XKR5: variants seen among roughly 807,000 people sequenced by gnomAD.
XKR5 encodes XK-related protein 5.
In XKR5, 46 loss-of-function variants were observed where a neutral mutation model predicts 40.8. That is an observed-to-expected ratio of 1.13 (90% CI 0.89 to 1.44). The LOEUF (loss-of-function observed/expected upper bound fraction) is 1.44. XKR5 is among the 40% of genes most tolerant of loss of function. The pLI is 0.00. For missense variants in XKR5, 1,169 were observed against 844.7 expected, an observed-to-expected ratio of 1.38 and a Z score of -4.76; for synonymous variants, 466 against 356.1, an observed-to-expected ratio of 1.31 and a Z score of -3.48.
intron 1 of XKR5, among the ~76,000 whole-genome samples, chr8:6,834,182 A>G (rs1804895925): frequency 6.6e-6 from 1 of 152,164 alleles, no homozygotes; most frequent in South Asian, 2.1e-4. Flanking sequence ...TGGTAGAGGC[A>G]CCGCACACAG....
chr8:6,811,696 C>T lies in XKR5; in HGVS notation c.1563G>A (p.Gly521=), dbSNP rs1308596741. 4 of 1,537,606 alleles carry T rather than the reference C, an allele frequency of 2.6e-6. No homozygotes were observed. The highest frequency in any genetic ancestry group is 3.5e-6 in the Non-Finnish European group (4 of 1,147,054). ...TPKEGADAVS[G]TQGKGTGGQQ... ...GCCCACCTGTCCCCTTCCCCTGTGT[C>T]CCAGAAACAGCGTCAGCTCCTTCCT... The change falls in exon 7 of 7, where the codon GGG becomes GGA. Residue 521 remains glycine (G), a synonymous_variant. Coordinates refer to ENST00000618742, the MANE Select transcript of XKR5 (RefSeq NM_207411.5).
chr8:6,827,252 G>A (rs1208598636), intron 2 of XKR5, among the ~76,000 whole-genome samples: 1 of 152,160 alleles, frequency 6.6e-6, no homozygotes, highest in Non-Finnish European at 1.5e-5. Flanking sequence ...ACACGAGCCT[G>A]CTGCCCAGCA....
intron 2 of XKR5, among the ~76,000 whole-genome samples, chr8:6,827,161 G>A (rs747189027): frequency 6.6e-6 from 1 of 152,114 alleles, no homozygotes; most frequent in Non-Finnish European, 1.5e-5. Flanking sequence ...CTCACCTGGA[G>A]GTCAGATTTC....
chr8:6,815,978 C>T (rs1027426750), intron 5 of XKR5, 60 bp from the exon 6 acceptor site: 39 of 1,345,760 alleles, frequency 2.9e-5, no homozygotes, highest in Admixed American at 1.6e-4. Flanking sequence ...TAGGGACCCC[C>T]GTCCCGTGAG....
chr8:6,831,741 T>A (rs2741091), intron 2 of XKR5, among the ~76,000 whole-genome samples: 24 of 152,000 alleles, frequency 1.6e-4, no homozygotes, highest in African/African-American at 5.1e-4. Flanking sequence ...TGTGGCCAGG[T>A]GCAGTGGCTC....
At chr8:6,835,141 G>C (rs1804955341) in intron 1 of XKR5, among the ~76,000 whole-genome samples, 2 of 151,194 alleles carry the variant, frequency 1.3e-5, no homozygotes, top group Admixed American at 1.3e-4. Flanking sequence ...GCGTGGGGCG[G>C]GGGGATCGTG....
intron 2 of XKR5, among the ~76,000 whole-genome samples, chr8:6,830,564 A>G (rs1804717803): frequency 6.6e-6 from 1 of 152,214 alleles, no homozygotes; most frequent in Admixed American, 6.5e-5. Context: ...ATAGCTGTGC[A>G]TTCTGGCTCT....
chr8:6,825,021 G>A (rs1191256279), intron 3 of XKR5, 144 bp downstream of exon 3: 1 of 905,226 alleles, frequency 1.1e-6, no homozygotes, highest in Non-Finnish European at 1.7e-6. Flanking sequence ...CCAGTTTTAA[G>A]CATCATCTGT....
intron 1 of XKR5, 142 bp downstream of exon 1, chr8:6,835,294 A>G: frequency 1.2e-6 from 1 of 813,792 alleles, no homozygotes. Flanking sequence ...TGGGATGGCC[A>G]CCACCGTGCG....
At chr8:6,834,388 G>A (rs1458510887) in intron 1 of XKR5, among the ~76,000 whole-genome samples, 3 of 152,360 alleles carry the variant, frequency 2.0e-5, no homozygotes, top group African/African-American at 7.2e-5. Flanking sequence ...TCACCACCCC[G>A]AGCGTCCTGC....
Position 6,812,018 on chromosome 8 carries a change from G to A in XKR5, c.1241C>T (p.Thr414Ile). 1 of 1,537,518 alleles carries A rather than the reference G, an allele frequency of 6.5e-7. No individual in the cohort carries two copies. The change falls in exon 7 of 7, where the codon ACA (threonine) becomes ATA (isoleucine). Residue 414 changes from threonine (T) to isoleucine (I), a missense_variant. Transcript: ENST00000618742. Reference protein sequence around the residue: ...HWLWVKLALKTGNVSKINAAF... With the variant: ...HWLWVKLALKIGNVSKINAAF... ...GGCATTGATCTTAGACACATTTCCT[G>A]TTTTTAGGGCAAGTTTCACCCACAG... is the stretch of plus-strand genomic sequence containing the variant.
At chr8:6,815,724 G>T in intron 6 of XKR5, 83 bp downstream of exon 6, 3 of 961,546 alleles carry the variant, frequency 3.1e-6, no homozygotes, top group Non-Finnish European at 4.7e-6. Context: ...TCTGAACTCA[G>T]TTTCCTACCC....
At chr8:6,832,550 G>A (rs1804817131) in intron 2 of XKR5, among the ~76,000 whole-genome samples, 167 bp downstream of exon 2, 1 of 151,674 alleles carries the variant, frequency 6.6e-6, no homozygotes, top group Admixed American at 6.5e-5. Context: ...GTGCAGGCTG[G>A]ACCCGGGCAT....
intron 2 of XKR5, among the ~76,000 whole-genome samples, chr8:6,828,811 C>A (rs1445100189): frequency 6.6e-6 from 1 of 152,228 alleles, no homozygotes; most frequent in Admixed American, 6.5e-5. Context: ...GTCTCCAATG[C>A]CTGAGGATAA....
In XKR5 at chr8:6,823,511, C is replaced by T. The variant is rs1563356397; in HGVS notation, c.637+10G>A. ...CAGCAACAGATGACCAGATCATTAG[C>T]TCAGCTCACCTGCAACCACAAAAAC... On this transcript the variant is annotated intron_variant, in intron 4 of 6. Coordinates refer to ENST00000618742, the MANE Select transcript of XKR5 (RefSeq NM_207411.5). 2 of 1,574,950 alleles carry T rather than the reference C, an allele frequency of 1.3e-6. No homozygotes were observed. The highest frequency in any genetic ancestry group is 1.7e-6 in the Non-Finnish European group (2 of 1,159,946).
intron 2 of XKR5, among the ~76,000 whole-genome samples, chr8:6,829,460 T>C (rs2076654095): frequency 6.6e-6 from 1 of 152,236 alleles, no homozygotes; most frequent in African/African-American, 2.4e-5. Context: ...GAACATAGTA[T>C]GTATTATTGG....
At chr8:6,823,125 C>T (rs1028983298) in intron 4 of XKR5, among the ~76,000 whole-genome samples, 3 of 152,156 alleles carry the variant, frequency 2.0e-5, no homozygotes, top group African/African-American at 4.8e-5. Flanking sequence ...ACAGCCAGCA[C>T]GCGTTCCTTC....
At chr8:6,812,624 G>C (rs1037321194) in intron 6 of XKR5, among the ~76,000 whole-genome samples, 4 of 152,046 alleles carry the variant, frequency 2.6e-5, no homozygotes, top group Non-Finnish European at 5.9e-5. Flanking sequence ...TCATCTACGT[G>C]TGTGTGTGTG....
chr8:6,825,691 AC>A (rs1804439912), intron 2 of XKR5, among the ~76,000 whole-genome samples: 1 of 151,870 alleles, frequency 6.6e-6, no homozygotes, highest in East Asian at 1.9e-4. Flanking sequence ...CCTGAGTCCC[AC>A]CCCGGATCCT....
Sources: gnomAD v4.1 joint callset for allele counts (sites outside exome capture counted in the v4.1 genomes callset) on GRCh38, gnomAD v4.1.1 for gene constraint, MANE v1.5 for transcripts, NCBI Gene and HGNC (gene_info 2026-07-23, HGNC 2026-07-21) for gene names.